MALRD1: variants seen among roughly 807,000 people sequenced by gnomAD.
MALRD1 encodes MAM and LDL-receptor class A domain-containing protein 1.
A neutral mutation model predicts 242.1 loss-of-function variants in MALRD1; 247 were observed. The observed-to-expected ratio is 1.02, with a 90% CI of 0.92 to 1.13. MALRD1 has a LOEUF of 1.13. Among genes scored for constraint, MALRD1 ranks in the 50% most tolerant of loss-of-function variants. The pLI, the probability that MALRD1 is intolerant of heterozygous loss-of-function variation, is 0.00. For synonymous variants in MALRD1, 995 were observed against 866.6 expected (o/e 1.15, Z -2.60); for missense variants, 2,989 against 2,533.1 (o/e 1.18, Z -3.86).
At chr10:19,153,233 T>G (rs2131461117) in intron 11 of MALRD1, among the ~76,000 whole-genome samples, 1 of 152,322 alleles carries the variant, frequency 6.6e-6, no homozygotes, top group East Asian at 1.9e-4. Context: ...CGACATCATT[T>G]TAATTAGAAT....
rs566394759 is a variant in MALRD1 at position 19,705,614 on chromosome 10, T to C, written c.6314+13060T>C. ...GTACAGGGTTTTGAAATCTTACCCT[T>C]AAAAACAGGGTTAGGCCACCAGCAT... On this transcript the variant is annotated intron_variant, in intron 38 of 39. Transcript: ENST00000454679. 5.3e-5 allele frequency among the ~76,000 whole-genome samples: 8 copies of C among 152,136 alleles called. No homozygotes were observed. The East Asian group carries it at 1.5e-3, about 29-fold the overall frequency.
chr10:19,373,203 C>CAAAAAAAAAAAAAAATAA (rs1845459382), intron 26 of MALRD1, among the ~76,000 whole-genome samples: 1 of 114,884 alleles, frequency 8.7e-6, no homozygotes, highest in African/African-American at 3.4e-5. Flanking sequence ...ACGCTAAATA[C>CAAAAAAAAAAAAAAATAA]AAAAAAAAAA....
At chr10:19,287,077 G>A (rs1178902759) in intron 21 of MALRD1, among the ~76,000 whole-genome samples, 2 of 152,008 alleles carry the variant, frequency 1.3e-5, no homozygotes, top group Non-Finnish European at 2.9e-5. Context: ...TCATCTTTAT[G>A]TACCACATGT....
rs778674889 is a variant in MALRD1, at chr10:19,543,433, C to CTATTTTT, written c.5478+12083_5478+12084insATTTTTT. On this transcript the variant is annotated intron_variant, in intron 32 of 39. Transcript: ENST00000454679. The stretch of plus-strand genomic sequence containing the variant: ...TGTAAAAATCATGCCCAGCTGATTT[C>CTATTTTT]TTTTTTTTTTTTTTTTTTGAGAGAG... Among the ~76,000 whole-genome samples, 215 of 106,436 alleles carry CTATTTTT rather than the reference C, an allele frequency of 2.0e-3. 6 individuals are homozygous for CTATTTTT. Among genetic ancestry groups the CTATTTTT allele is most frequent in the African/African-American group, 6.5e-3 (191 of 29,334 alleles). 69.8% of individuals were successfully genotyped at this position (106,436 alleles called of 152,430 possible).
At chr10:19,718,797 A>G (rs181187546) in intron 38 of MALRD1, among the ~76,000 whole-genome samples, 1 of 151,992 alleles carries the variant, frequency 6.6e-6, no homozygotes, top group Non-Finnish European at 1.5e-5. Flanking sequence ...TTTTCTATAT[A>G]TATTTTTGTC....
chr10:19,414,119 G>A (rs953378450), intron 28 of MALRD1, among the ~76,000 whole-genome samples: 1 of 151,116 alleles, frequency 6.6e-6, no homozygotes, highest in Non-Finnish European at 1.5e-5. Context: ...GGTTCTCTTA[G>A]TTATAGACTC....
At chr10:19,382,579 A>G (rs942813828) in intron 26 of MALRD1, among the ~76,000 whole-genome samples, 3 of 152,152 alleles carry the variant, frequency 2.0e-5, no homozygotes, top group African/African-American at 7.2e-5. Flanking sequence ...TTTATGTAAT[A>G]TAGGACTGTA....
chr10:19,139,963 G>A (rs1033416775), intron 10 of MALRD1, among the ~76,000 whole-genome samples: 5 of 152,180 alleles, frequency 3.3e-5, no homozygotes, highest in Admixed American at 6.5e-5. Context: ...AAAAACTAAA[G>A]GCAAACAAGT....
intron 14 of MALRD1, among the ~76,000 whole-genome samples, chr10:19,176,870 ATGTGTGTG>A (rs139103707): frequency 6.7e-6 from 1 of 148,994 alleles, no homozygotes; most frequent in Non-Finnish European, 1.5e-5. Context: ...GCATGTGTGC[ATGTGTGTG>A]TGTGTGTGTG....
chr10:19,403,461 A>G (rs905438678), intron 28 of MALRD1, among the ~76,000 whole-genome samples: 2 of 152,110 alleles, frequency 1.3e-5, no homozygotes, highest in African/African-American at 2.4e-5. Context: ...ACATATAATC[A>G]TTGAGCATTG....
chr10:19,065,516 C>T (rs1834952223), intron 1 of MALRD1, among the ~76,000 whole-genome samples: 1 of 152,090 alleles, frequency 6.6e-6, no homozygotes, highest in South Asian at 2.1e-4. Context: ...TTCATCCCGA[C>T]TGGACCAGAT....
intron 36 of MALRD1, among the ~76,000 whole-genome samples, chr10:19,675,195 A>G (rs538345919): frequency 6.6e-6 from 1 of 152,314 alleles, no homozygotes; most frequent in African/African-American, 2.4e-5. Flanking sequence ...TTTCAATAAA[A>G]ACCACACAAG....
intron 36 of MALRD1, among the ~76,000 whole-genome samples, chr10:19,678,688 G>T (rs1842237705): frequency 6.6e-6 from 1 of 152,112 alleles, no homozygotes; most frequent in African/African-American, 2.4e-5. Flanking sequence ...ATTCTATGTT[G>T]AATAGGAGTG....
chr10:19,705,820 C>T (rs866244460), intron 38 of MALRD1, among the ~76,000 whole-genome samples: 1 of 58,532 alleles, frequency 1.7e-5, no homozygotes, highest in African/African-American at 1.0e-4. Context: ...AAAAAAAAAG[C>T]CCACAAGAGA....
At chr10:19,275,493 C>T (rs946063098) in intron 19 of MALRD1, among the ~76,000 whole-genome samples, 10 of 152,124 alleles carry the variant, frequency 6.6e-5, no homozygotes, top group Admixed American at 3.9e-4. Flanking sequence ...ACAGTGAAAC[C>T]CCGTCTCTAC....
intron 10 of MALRD1, among the ~76,000 whole-genome samples, chr10:19,139,817 A>T (rs1289625621): frequency 1.3e-5 from 2 of 152,198 alleles, no homozygotes; most frequent in Non-Finnish European, 2.9e-5. Context: ...GCCCAGCCTT[A>T]CAGAACCAAA....
At chr10:19,483,478 G>A (rs1009304680) in intron 29 of MALRD1, among the ~76,000 whole-genome samples, 1 of 152,008 alleles carries the variant, frequency 6.6e-6, no homozygotes, top group Non-Finnish European at 1.5e-5. Context: ...TAAAAAGTGG[G>A]CAAAGGACGT....
At chr10:19,101,642 C>A (rs1293986409) in intron 4 of MALRD1, among the ~76,000 whole-genome samples, 1 of 131,498 alleles carries the variant, frequency 7.6e-6, no homozygotes, top group Non-Finnish European at 1.5e-5. Context: ...AAAATATATA[C>A]AATACATATA....
chr10:19,371,332 T>C (rs923133922), intron 26 of MALRD1, among the ~76,000 whole-genome samples: 2 of 152,138 alleles, frequency 1.3e-5, no homozygotes, highest in African/African-American at 4.8e-5. Context: ...ATGGAGCATA[T>C]TAGCTGTACA....
Sources: allele counts gnomAD v4.1 joint callset (sites outside exome capture counted in the v4.1 genomes callset), GRCh38; gene constraint gnomAD v4.1.1; transcripts MANE v1.5; gene names NCBI Gene and HGNC (gene_info 2026-07-23, HGNC 2026-07-21).